Variants in SYNE2 observed in about 807,000 individuals in gnomAD.
The protein encoded by SYNE2 is nesprin-2.
Under a neutral mutation model 856.3 loss-of-function variants are expected in SYNE2, and 431 were observed. That is an observed-to-expected ratio of 0.50 (90% CI 0.47 to 0.55). The LOEUF (loss-of-function observed/expected upper bound fraction) is 0.55, where lower values mean the gene tolerates loss of function less well. Among genes scored for constraint, SYNE2 ranks in the 20% least tolerant of loss-of-function variants. The pLI is 0.00. For synonymous variants in SYNE2, 2,923 were observed against 2,872.3 expected (o/e 1.02, Z -0.56); for missense variants, 8,129 against 8,023.2 (o/e 1.01, Z -0.50).
chr14:63,799,422 G>A (rs1189579788), intron 1 of SYNE2, among the ~76,000 whole-genome samples: 5 of 147,950 alleles, frequency 3.4e-5, no homozygotes, highest in Middle Eastern at 3.5e-3. Context: ...TTGGCCGGGC[G>A]CGGTGGCTCA....
intron 1 of SYNE2, among the ~76,000 whole-genome samples, chr14:63,888,607 C>G (rs1030667790): frequency 1.3e-5 from 2 of 152,238 alleles, no homozygotes; most frequent in African/African-American, 2.4e-5. Context: ...TATATCCCAT[C>G]TTGCTGACTA....
intron 54 of SYNE2, 66 bp downstream of exon 54, chr14:64,076,166 C>G: frequency 6.5e-7 from 1 of 1,541,940 alleles, no homozygotes; most frequent in Admixed American, 1.8e-5. Context: ...AGGAAAATAT[C>G]ATTTAATGTC....
chr14:63,851,637 GTACAACT>G (rs1566608007), upstream of SYNE2, among the ~76,000 whole-genome samples: 1 of 152,100 alleles, frequency 6.6e-6, no homozygotes, highest in Non-Finnish European at 1.5e-5. Flanking sequence ...CAAATTGTGG[GTACAACT>G]TACAACTAAT....
rs2140528585 is a variant in SYNE2, at chr14:64,225,843, G to T, written c.*317G>T. ...TGAATTCTGGTTTGTTTGTAAAACA[G>T]CATTATTATAATGTAGGTATGGTCA... is the stretch of plus-strand genomic sequence containing the variant. On this transcript the variant is annotated 3_prime_UTR_variant, in exon 116 of 116. Coordinates refer to ENST00000555002, the MANE Select transcript of SYNE2 (RefSeq NM_182914.3). 3 of 582,654 alleles carry T rather than the reference G, an allele frequency of 5.1e-6. No individual in the cohort carries two copies. In the East Asian group the frequency reaches 8.4e-5, roughly 16 times the overall value. The allele number at this position is 582,654 out of a possible 1,614,324, so 36.1% of individuals were successfully genotyped here.
chr14:64,000,091 TAAG>T (rs1263866361), intron 27 of SYNE2, among the ~76,000 whole-genome samples: 3 of 152,308 alleles, frequency 2.0e-5, no homozygotes, highest in Middle Eastern at 6.8e-3. Context: ...AGCATCAAGA[TAAG>T]GAGCTGGAAT....
Position 63,961,623 on chromosome 14 carries a change from C to A in SYNE2, c.886C>A (p.Gln296Lys). Residue 296 changes from glutamine to lysine, a missense_variant and splice_region_variant, in exon 9 of 116, where the codon CAG becomes AAG. Coordinates refer to ENST00000555002, the MANE Select transcript of SYNE2 (RefSeq NM_182914.3). ...TGCCCCTGGGACTGGAGAGGAGGCT[C>A]AGGTATGTTTTCATATGCATAAATC... The part of the protein sequence containing the change: ...KDAPGTGEEA[Q>K]GKVKDAMGWL... 6.2e-7 allele frequency: 1 copy of A among 1,610,814 alleles called. No homozygotes were observed. The highest frequency in any genetic ancestry group is 1.1e-5 in the South Asian group (1 of 90,922).
At chr14:63,913,466 C>CTTTCTT (rs551498099) in intron 2 of SYNE2, among the ~76,000 whole-genome samples, 7 of 139,628 alleles carry the variant, frequency 5.0e-5, no homozygotes, top group Admixed American at 7.2e-5. Context: ...TTCTTTCTTT[C>CTTTCTT]TTTTTTTTTT....
chr14:63,982,043 C>T (rs1242246584), intron 16 of SYNE2, among the ~76,000 whole-genome samples: 1 of 152,056 alleles, frequency 6.6e-6, no homozygotes, highest in Non-Finnish European at 1.5e-5. Flanking sequence ...GCTAAGAAAC[C>T]CTGAGCTACC....
intron 32 of SYNE2, among the ~76,000 whole-genome samples, chr14:64,015,257 T>C (rs1446094949): frequency 6.6e-6 from 1 of 151,820 alleles, no homozygotes; most frequent in Non-Finnish European, 1.5e-5. Flanking sequence ...GGAGAGATTG[T>C]ACATAATTGC....
chr14:64,142,714 C>T (rs763310001), intron 82 of SYNE2, among the ~76,000 whole-genome samples: 4 of 152,180 alleles, frequency 2.6e-5, no homozygotes, highest in African/African-American at 7.2e-5. Flanking sequence ...AAATATAGCA[C>T]GCCTATCCCA....
chr14:64,222,903 T>C (rs1309100039), intron 112 of SYNE2, among the ~76,000 whole-genome samples: 1 of 152,226 alleles, frequency 6.6e-6, no homozygotes, highest in Non-Finnish European at 1.5e-5. Context: ...ATGAGGGACC[T>C]GGTCTTCCCA....
rs564870503 is a variant in SYNE2 at position 63,950,607 on chromosome 14, T to C, written c.590+601T>C. ...TCTCTTGAATATGTATATGAGTATA[T>C]TAAGAGACCTCAGAGTTTAGAAACG... On this transcript the variant is annotated intron_variant, in intron 7 of 115. Coordinates refer to ENST00000555002, the MANE Select transcript of SYNE2 (RefSeq NM_182914.3). Among the ~76,000 whole-genome samples, 4 of 152,228 alleles carry C rather than the reference T, an allele frequency of 2.6e-5. No homozygotes were observed. In the South Asian group the frequency reaches 6.2e-4, roughly 24 times the overall value.
intron 55 of SYNE2, 97 bp from the exon 56 acceptor site, chr14:64,080,358 AG>A (rs1454926715): frequency 8.5e-7 from 1 of 1,182,102 alleles, no homozygotes; most frequent in East Asian, 2.3e-5. Context: ...GTGATGTTTT[AG>A]TAGCATTTAT....
At chr14:63,997,625 C>T (rs1424454416) in intron 25 of SYNE2, among the ~76,000 whole-genome samples, 1 of 152,084 alleles carries the variant, frequency 6.6e-6, no homozygotes. Flanking sequence ...TTCTTTCAAG[C>T]AGAGACCCTT....
intron 11 of SYNE2, among the ~76,000 whole-genome samples, chr14:63,968,620 G>A (rs2096429329): frequency 6.6e-6 from 1 of 152,058 alleles, no homozygotes; most frequent in Non-Finnish European, 1.5e-5. Context: ...ACATAACTTT[G>A]TGCACTTGAA....
intron 100 of SYNE2, among the ~76,000 whole-genome samples, chr14:64,203,475 A>G (rs1384156520): frequency 6.6e-6 from 1 of 152,188 alleles, no homozygotes; most frequent in East Asian, 1.9e-4. Flanking sequence ...TCAGATATGC[A>G]TGCTCTGAGC....
intron 31 of SYNE2, 30 bp downstream of exon 31, chr14:64,007,252 C>T (rs2153513332): frequency 1.2e-6 from 2 of 1,606,072 alleles, no homozygotes; most frequent in Non-Finnish European, 1.7e-6. Flanking sequence ...CCTCTTGAAT[C>T]TGAAAAATTG....
In SYNE2 at chr14:64,000,708, T is replaced by G; in HGVS notation, c.3627T>G (p.Thr1209=). 6.2e-7 allele frequency: 1 copy of G among 1,612,060 alleles called. No individual in the cohort carries two copies. The highest frequency in any genetic ancestry group is 8.5e-7 in the Non-Finnish European group (1 of 1,179,274). ...LKERERELQM[T]LNTRMESLET... is the part of the protein sequence containing the mutation. ...AAAGAGAAAGAGAGCTTCAGATGAC[T>G]CTTAATACCAGGTAAAATTCTGAGA... Residue 1209 remains threonine, a synonymous_variant, in exon 28 of 116, where the codon ACT becomes ACG. Coordinates refer to ENST00000555002, the MANE Select transcript of SYNE2 (RefSeq NM_182914.3).
At chr14:64,136,403 T>C (rs183839536) in intron 78 of SYNE2, among the ~76,000 whole-genome samples, 18 of 150,738 alleles carry the variant, frequency 1.2e-4, no homozygotes, top group African/African-American at 4.4e-4. Context: ...TTTTTTTCTT[T>C]TAATACAGAT....
Sources: allele counts gnomAD v4.1 joint callset (sites outside exome capture counted in the v4.1 genomes callset), GRCh38; gene constraint gnomAD v4.1.1; transcripts MANE v1.5; gene names NCBI Gene and HGNC (gene_info 2026-07-23, HGNC 2026-07-21).